The following USP40 variants were observed in gnomAD, a reference collection of about 807,000 sequenced individuals.
The protein encoded by USP40 is ubiquitin specific peptidase 40, also known as ubiquitin carboxyl-terminal hydrolase 40.
USP40 carries 143 observed loss-of-function variants against 166.2 expected under a neutral mutation model. That is an observed-to-expected ratio of 0.86 (90% CI 0.75 to 0.99). The LOEUF (loss-of-function observed/expected upper bound fraction) is 0.99. Among genes scored for constraint, USP40 ranks in the 50% least tolerant of loss-of-function variants. The pLI, the probability that USP40 is intolerant of heterozygous loss-of-function variation, is 0.00. For synonymous variants in USP40, 498 were observed against 524.0 expected (o/e 0.95, Z 0.68); for missense variants, 1,444 against 1,479.7 (o/e 0.98, Z 0.40).
intron 18 of USP40, among the ~76,000 whole-genome samples, chr2:233,518,251 TAAAAAAAAAAAAAAAAA>T (rs1156279626): frequency 4.0e-5 from 2 of 49,830 alleles, no homozygotes; most frequent in African/African-American, 1.8e-4. Context: ...TAACAGATTC[TAAAAAAAAAAAAAAAAA>T]AAAAAAAAAA....
chr2:233,539,566 C>T (rs189920766), intron 10 of USP40, among the ~76,000 whole-genome samples: 2 of 151,796 alleles, frequency 1.3e-5, no homozygotes, highest in East Asian at 3.9e-4. Flanking sequence ...ATATTTCAAA[C>T]TGAATGAAAA....
chr2:233,513,297 T>C (rs2066956587), intron 18 of USP40, among the ~76,000 whole-genome samples: 1 of 152,176 alleles, frequency 6.6e-6, no homozygotes, highest in Non-Finnish European at 1.5e-5. Flanking sequence ...CATATACTTT[T>C]GTTTCTTTGT....
chr2:233,563,196 A>G (rs898434161), intron 2 of USP40, among the ~76,000 whole-genome samples: 5 of 152,304 alleles, frequency 3.3e-5, no homozygotes, highest in Middle Eastern at 3.4e-3. Flanking sequence ...CTTTCGTGGG[A>G]AGGATCCTCT....
rs367828654 is a variant in USP40 at position 233,518,498 on chromosome 2, C to T, written c.2383+1116G>A. ...AGAAAAATTGCTTGAGCCTGGGAGACGGAGGTTGCAGTGAGCGGAGATCGT... is the reference window on the plus strand; with the variant it reads ...AGAAAAATTGCTTGAGCCTGGGAGATGGAGGTTGCAGTGAGCGGAGATCGT... On this transcript the variant is annotated intron_variant, in intron 18 of 31. Transcript: ENST00000678225. 2.0e-4 allele frequency among the ~76,000 whole-genome samples: 29 copies of T among 145,326 alleles called. No individual in the cohort carries two copies. The East Asian group carries it at 4.1e-3, about 21-fold the overall frequency.
intron 6 of USP40, among the ~76,000 whole-genome samples, chr2:233,552,244 C>T (rs1394696335): frequency 7.1e-6 from 1 of 140,264 alleles, no homozygotes; most frequent in Admixed American, 7.0e-5. Flanking sequence ...AAACAAAAAA[C>T]CCCAGCAATA....
intron 4 of USP40, among the ~76,000 whole-genome samples, chr2:233,559,015 C>T (rs921856488): frequency 3.3e-5 from 5 of 152,292 alleles, no homozygotes; most frequent in South Asian, 2.1e-4. Context: ...GTATTCCTAT[C>T]GTTTGCTCTT....
chr2:233,498,675 T>G, intron 22 of USP40, 63 bp from the exon 23 acceptor site: 1 of 1,384,014 alleles, frequency 7.2e-7, no homozygotes, highest in Non-Finnish European at 1.0e-6. Flanking sequence ...TGCGTGTAAC[T>G]TCTAGAAGAA....
chr2:233,545,440 T>C (rs1324887803), intron 8 of USP40: 3 of 152,256 alleles, frequency 2.0e-5, no homozygotes, highest in African/African-American at 7.2e-5. Context: ...AATTGGGTGC[T>C]GTCATGGAGC....
intron 18 of USP40, chr2:233,519,292 G>A (rs2067484226): frequency 5.2e-6 from 1 of 193,220 alleles, no homozygotes. Flanking sequence ...AATGGTAAGT[G>A]AATAGTGAGT....
At chr2:233,497,375 T>C (rs117447430) in intron 23 of USP40, among the ~76,000 whole-genome samples, 1,941 of 152,136 alleles carry the variant, frequency 0.013, 40 homozygotes, top group East Asian at 0.083. Flanking sequence ...CTGGCTGCAA[T>C]ATGCATGACA....
intron 11 of USP40, among the ~76,000 whole-genome samples, chr2:233,533,018 T>C: frequency 6.6e-6 from 1 of 150,934 alleles, no homozygotes; most frequent in Non-Finnish European, 1.5e-5. Context: ...AAATAAAGGA[T>C]AAATAATAGA....
intron 9 of USP40, 54 bp from the exon 10 acceptor site, chr2:233,540,823 C>T: frequency 3.1e-6 from 4 of 1,296,036 alleles, no homozygotes; most frequent in Non-Finnish European, 4.4e-6. Flanking sequence ...TAATTGCATA[C>T]TTAACAAATT....
intron 24 of USP40, among the ~76,000 whole-genome samples, chr2:233,494,987 C>CAAAAA (rs1559224605): frequency 1.9e-4 from 13 of 67,844 alleles, no homozygotes; most frequent in South Asian, 4.5e-4. Flanking sequence ...TATACACACA[C>CAAAAA]ATAAAAAATA....
chr2:233,565,323 T>C, intron 2 of USP40, 33 bp downstream of exon 2: 1 of 1,439,256 alleles, frequency 6.9e-7, no homozygotes, highest in Non-Finnish European at 9.4e-7. Flanking sequence ...AGATGGTACA[T>C]ATTGCTAGTT....
At chr2:233,551,203 C>T (rs1309652648) in intron 7 of USP40, among the ~76,000 whole-genome samples, 173 bp downstream of exon 7, 3 of 152,150 alleles carry the variant, frequency 2.0e-5, no homozygotes, top group African/African-American at 4.8e-5. Flanking sequence ...AGGGATGCTG[C>T]TAAACACCCT....
At chr2:233,552,925 T>C (rs571363821) in intron 6 of USP40, among the ~76,000 whole-genome samples, 32 of 152,280 alleles carry the variant, frequency 2.1e-4, no homozygotes, top group African/African-American at 7.7e-4. Context: ...GTGGTAGCTG[T>C]TTAAGACAAT....
chr2:233,484,039 G>A (rs1031381826), intron 30 of USP40, among the ~76,000 whole-genome samples: 3 of 151,950 alleles, frequency 2.0e-5, no homozygotes, highest in East Asian at 3.9e-4. Flanking sequence ...CTGCACTGTC[G>A]CCACAGCTGT....
chr2:233,557,760 G>C (rs1004420041), intron 4 of USP40, among the ~76,000 whole-genome samples: 4 of 152,128 alleles, frequency 2.6e-5, no homozygotes, highest in African/African-American at 9.7e-5. Flanking sequence ...TTGGCACAGG[G>C]ATGTCACTGT....
chr2:233,500,684 A>G (rs1482421721), intron 21 of USP40, among the ~76,000 whole-genome samples: 2 of 152,216 alleles, frequency 1.3e-5, no homozygotes, highest in African/African-American at 4.8e-5. Flanking sequence ...CAGTTCAAAG[A>G]AAAAAACAGA....
Sources: gnomAD v4.1 joint callset for allele counts (sites outside exome capture counted in the v4.1 genomes callset) on GRCh38, gnomAD v4.1.1 for gene constraint, MANE v1.5 for transcripts, NCBI Gene and HGNC (gene_info 2026-07-23, HGNC 2026-07-21) for gene names.